KCNT1: variants seen among roughly 807,000 people sequenced by gnomAD.
KCNT1 encodes the protein potassium sodium-activated channel subfamily T member 1, also known as potassium channel subfamily T member 1.
In KCNT1, 78 loss-of-function variants were observed where a neutral mutation model predicts 147.8. That is an observed-to-expected ratio of 0.53 (90% CI 0.44 to 0.64). The LOEUF (loss-of-function observed/expected upper bound fraction) is 0.64. KCNT1 is among the 30% of genes least tolerant of loss of function. The pLI is 0.00. For missense variants in KCNT1, 1,419 were observed against 1,750.3 expected (o/e 0.81, Z 3.38); for synonymous variants, 867 against 748.8 (o/e 1.16, Z -2.58).
intron 2 of KCNT1, among the ~76,000 whole-genome samples, chr9:135,726,977 CAT>C (rs1836194912): frequency 9.6e-6 from 1 of 103,742 alleles, no homozygotes; most frequent in African/African-American, 3.8e-5. Flanking sequence ...CTCTCTTTCC[CAT>C]TCTCTCTCTC....
rs2131605802 is a variant in KCNT1 at position 135,792,032 on chromosome 9, C to T, written c.3588-9C>T. 1.2e-6 allele frequency: 2 copies of T among 1,603,750 alleles called. No homozygotes were observed. The highest frequency in any genetic ancestry group is 1.7e-5 in the Admixed American group (1 of 59,952). ...CATCCACTCCAGGGTCCTCTGTGCC[C>T]TCCCGCAGCTATCTCATCCGCTCCG... On this transcript the variant is annotated splice_polypyrimidine_tract_variant and intron_variant, in intron 30 of 30. Coordinates refer to ENST00000371757, the MANE Select transcript of KCNT1 (RefSeq NM_020822.3).
chr9:135,735,267 G>A (rs755560397), intron 2 of KCNT1, among the ~76,000 whole-genome samples: 18 of 152,232 alleles, frequency 1.2e-4, no homozygotes, highest in Non-Finnish European at 2.4e-4. Context: ...GCTAGGGCAG[G>A]TATCGGGAGC....
chr9:135,787,404 C>G (rs928824497), intron 29 of KCNT1, among the ~76,000 whole-genome samples: 1 of 152,234 alleles, frequency 6.6e-6, no homozygotes, highest in Non-Finnish European at 1.5e-5. Flanking sequence ...CAGTGACACC[C>G]ACCCCTGAGC....
At chr9:135,763,857 G>C (rs569358566) in intron 11 of KCNT1, among the ~76,000 whole-genome samples, 203 of 152,252 alleles carry the variant, frequency 1.3e-3, no homozygotes, top group Non-Finnish European at 2.0e-3. Flanking sequence ...GAGGGTTGCC[G>C]TGCCATGCAG....
chr9:135,712,730 C>G (rs1588252743), intron 1 of KCNT1, among the ~76,000 whole-genome samples: 1 of 152,120 alleles, frequency 6.6e-6, no homozygotes, highest in Middle Eastern at 3.4e-3. Context: ...ACACAACAGC[C>G]AAGGATTTTA....
At chr9:135,759,554 T>C in intron 10 of KCNT1, 125 bp from the exon 11 acceptor site, 1 of 1,016,654 alleles carries the variant, frequency 9.8e-7, no homozygotes, top group Non-Finnish European at 1.3e-6. Context: ...AGGGCGGGGC[T>C]CGCCTGGTGA....
chr9:135,795,305 G>A lies in KCNT1; in HGVS notation c.*3144G>A, dbSNP rs990703608. The A allele has an allele frequency of 1.5e-4, 22 of 151,708 alleles. 1 individual carries two copies. The highest frequency in any genetic ancestry group is 4.2e-4 in the South Asian group (2 of 4,806). 9.4% of individuals were successfully genotyped at this position (151,708 alleles called of 1,614,324 possible). ...AGTACAAAAAAAAAAATAGCTAGACGTGGTGGCATGTGCATACAGTCCCAG... is the reference window on the plus strand; with the variant it reads ...AGTACAAAAAAAAAAATAGCTAGACATGGTGGCATGTGCATACAGTCCCAG... On this transcript the variant is annotated 3_prime_UTR_variant, in exon 31 of 31. Coordinates refer to ENST00000371757, the MANE Select transcript of KCNT1 (RefSeq NM_020822.3).
rs1831105573 is a variant in KCNT1 at position 135,750,715 on chromosome 9, A to G, written c.335-227A>G. 3 of 583,858 alleles carry G rather than the reference A, an allele frequency of 5.1e-6. No homozygotes were observed. In the South Asian group the frequency reaches 6.3e-5, roughly 12 times the overall value. 36.2% of individuals were successfully genotyped at this position (583,858 alleles called of 1,614,324 possible). On this transcript the variant is annotated intron_variant, in intron 3 of 30. Transcript: ENST00000371757. ...GCCTCTAGAAATCCCCTGCACCCCA[A>G]GTTCAGGCACCTGTAAGGTGGGGCC...
chr9:135,757,009 C>A (rs1310286499), intron 7 of KCNT1, 77 bp downstream of exon 7: 1 of 1,174,102 alleles, frequency 8.5e-7, no homozygotes, highest in Non-Finnish European at 1.2e-6. Context: ...CCACCTCCCC[C>A]ACCCTCTCCT....
chr9:135,787,914 G>T (rs1006864160), intron 29 of KCNT1, among the ~76,000 whole-genome samples: 1 of 152,150 alleles, frequency 6.6e-6, no homozygotes, highest in South Asian at 2.1e-4. Flanking sequence ...CTCTGCGACC[G>T]CTGCCTGCCC....
At chr9:135,737,993 G>A (rs1471535700) in intron 2 of KCNT1, among the ~76,000 whole-genome samples, 1 of 152,194 alleles carries the variant, frequency 6.6e-6, no homozygotes, top group Non-Finnish European at 1.5e-5. Context: ...CTGGATGCTG[G>A]CGTGGGGGGA....
Position 135,772,594 on chromosome 9 carries a change from A to T in KCNT1, c.2009-121A>T, listed in dbSNP as rs1440896872. On this transcript the variant is annotated intron_variant, in intron 18 of 30. Coordinates refer to ENST00000371757, the MANE Select transcript of KCNT1 (RefSeq NM_020822.3). ...GCATAGATTGAAGCTCCTCAGCTGG[A>T]GCACAGGAGCCAGGCCATGACAGGG... 6.5e-6 allele frequency: 4 copies of T among 610,910 alleles called. No individual in the cohort carries two copies. The East Asian group carries it at 1.0e-4, about 16-fold the overall frequency. The allele number at this position is 610,910 out of a possible 1,614,324, so 37.8% of individuals were successfully genotyped here.
At chr9:135,751,528 TG>T (rs776492303) in intron 4 of KCNT1, among the ~76,000 whole-genome samples, 2 of 152,152 alleles carry the variant, frequency 1.3e-5, no homozygotes, top group Non-Finnish European at 2.9e-5. Flanking sequence ...GGAGAGGTGC[TG>T]GGGGCAGCAA....
chr9:135,713,317 T>A (rs1835580453), intron 1 of KCNT1, among the ~76,000 whole-genome samples: 1 of 152,244 alleles, frequency 6.6e-6, no homozygotes, highest in African/African-American at 2.4e-5. Flanking sequence ...TGTTATTTTT[T>A]AAATGCTGCC....
Position 135,770,403 on chromosome 9 carries a change from C to T in KCNT1, c.1725C>T (p.Tyr575=), listed in dbSNP as rs373520472. ...GTGACAGCAAGTTCTTCCGCGAGTA[C>T]GAGGGCAAGAGCTTCACCTACGCGG... ...RMGDSKFFRE[Y]EGKSFTYAAF... Residue 575 remains tyrosine, a synonymous_variant, in exon 17 of 31, where the codon TAC becomes TAT. Coordinates refer to ENST00000371757, the MANE Select transcript of KCNT1 (RefSeq NM_020822.3). 202 of 1,613,058 alleles carry T rather than the reference C, an allele frequency of 1.3e-4. No individual in the cohort carries two copies. Among genetic ancestry groups the T allele is most frequent in the Middle Eastern group, 9.9e-4 (6 of 6,082 alleles).
Position 135,758,485 on chromosome 9 carries a change from C to G in KCNT1, c.831C>G (p.Thr277=). 1 of 1,613,618 alleles carries G rather than the reference C, an allele frequency of 6.2e-7. No individual in the cohort carries two copies. The highest frequency in any genetic ancestry group is 8.5e-7 in the Non-Finnish European group (1 of 1,179,928). The part of the protein sequence containing the change: ...MFNQVLILFC[T]LLCLVFTGTC... ...ACCAGGTCCTCATCCTCTTCTGCAC[C>G]CTGCTGTGCCTCGTTTTCACGGGGT... Residue 277 remains threonine (T), a synonymous_variant, in exon 10 of 31, where the codon ACC becomes ACG. Coordinates refer to ENST00000371757, the MANE Select transcript of KCNT1 (RefSeq NM_020822.3).
At chr9:135,745,287 C>CGTGG (rs2131393486) in intron 2 of KCNT1, among the ~76,000 whole-genome samples, 1 of 152,308 alleles carries the variant, frequency 6.6e-6, no homozygotes, top group South Asian at 2.1e-4. Context: ...CGGGAGTTCT[C>CGTGG]GGTCATCTCC....
At chr9:135,723,145 G>A (rs10858156) in intron 2 of KCNT1, among the ~76,000 whole-genome samples, 29,873 of 152,222 alleles carry the variant, frequency 0.2, 3,104 homozygotes, top group East Asian at 0.22. Flanking sequence ...AGTCAGTGAC[G>A]GGCGTGGCTC....
chr9:135,779,516 A>G, intron 24 of KCNT1, 46 bp downstream of exon 24: 1 of 1,388,482 alleles, frequency 7.2e-7, no homozygotes. Context: ...GAATCCCAGA[A>G]AGAGTGGGAG....
Sources: allele counts gnomAD v4.1 joint callset (sites outside exome capture counted in the v4.1 genomes callset), GRCh38; gene constraint gnomAD v4.1.1; transcripts MANE v1.5; gene names NCBI Gene and HGNC (gene_info 2026-07-23, HGNC 2026-07-21).